The following NOB1 variants were observed in gnomAD, a reference collection of about 807,000 sequenced individuals.
NOB1 encodes RNA-binding protein NOB1.
In NOB1, 44 loss-of-function variants were observed where a neutral mutation model predicts 44.8. That is an observed-to-expected ratio of 0.98 (90% CI 0.77 to 1.26). The LOEUF is 1.26. Ranked by LOEUF, NOB1 falls within the 50% of genes most tolerant of loss-of-function variation. The pLI is 0.00. For missense variants in NOB1, 560 were observed against 544.8 expected, an observed-to-expected ratio of 1.03 and a Z score of -0.28; for synonymous variants, 238 against 218.7, an observed-to-expected ratio of 1.09 and a Z score of -0.78.
At position 69,741,900 on chromosome 16, in the gene NOB1, TATTTTCTGGCAAAA is replaced by T. The variant is rs1221741599; in HGVS notation, c.*418_*431del. 6.4e-6 allele frequency: 1 copy of T among 157,260 alleles called. No homozygotes were observed. Among genetic ancestry groups the T allele is most frequent in the African/African-American group, 2.4e-5 (1 of 41,554 alleles). 9.7% of individuals were successfully genotyped at this position (157,260 alleles called of 1,614,324 possible). The stretch of plus-strand genomic sequence containing the variant: ...AGTTCTTAGTTTTATTATAACCTTG[TATTTTCTGGCAAAA>T]ATATAAATCTAAATGCATGATCTCT... On this transcript the variant is annotated 3_prime_UTR_variant, in exon 9 of 9. Transcript: ENST00000268802.
chr16:69,744,914 A>AG lies in NOB1; in HGVS notation c.927dup (p.Phe310LeufsTer56), dbSNP rs1462097694. ...TTCAGCACCTTGGGGTTGCGGGAGAAGTGCATGTGCAGGGTGCCGTCGTCG... is the reference window on the plus strand; with the variant it reads ...TTCAGCACCTTGGGGTTGCGGGAGAAGGTGCATGTGCAGGGTGCCGTCGTCG... On this transcript the variant is annotated frameshift_variant, in exon 8 of 9. Coordinates refer to ENST00000268802, the MANE Select transcript of NOB1 (RefSeq NM_014062.3). LOFTEE classifies it high-confidence loss of function. 4.3e-6 allele frequency: 7 copies of AG among 1,613,946 alleles called. No homozygotes were observed. Among genetic ancestry groups the AG allele is most frequent in the Non-Finnish European group, 5.1e-6 (6 of 1,180,020 alleles).
intron 7 of NOB1, among the ~76,000 whole-genome samples, chr16:69,746,061 G>T (rs1282589458): frequency 2.0e-5 from 3 of 152,254 alleles, no homozygotes; most frequent in Non-Finnish European, 2.9e-5. Flanking sequence ...TTCAGAGGAA[G>T]GTATGGGCCG....
intron 7 of NOB1, among the ~76,000 whole-genome samples, chr16:69,747,788 C>G (rs1005437732): frequency 1.3e-5 from 2 of 152,052 alleles, no homozygotes; most frequent in Non-Finnish European, 2.9e-5. Context: ...GGAGACGGAA[C>G]CCAGGCCCCA....
intron 6 of NOB1, among the ~76,000 whole-genome samples, 185 bp from the exon 7 acceptor site, chr16:69,748,514 G>A (rs1432632702): frequency 4.6e-5 from 7 of 152,086 alleles, no homozygotes; most frequent in Admixed American, 1.3e-4. Context: ...TTCTAACACC[G>A]TCCTGGAGCC....
intron 7 of NOB1, among the ~76,000 whole-genome samples, chr16:69,746,117 G>A (rs373873437): frequency 4.6e-5 from 7 of 152,240 alleles, no homozygotes; most frequent in South Asian, 2.1e-4. Context: ...TGGCTGGCGG[G>A]GCGGGGCCCC....
intron 7 of NOB1, among the ~76,000 whole-genome samples, chr16:69,746,850 T>C (rs1002895686): frequency 2.0e-5 from 3 of 150,636 alleles, no homozygotes; most frequent in African/African-American, 7.4e-5. Flanking sequence ...GAGATTGCAG[T>C]GAGCCTAGAC....
At position 69,752,322 on chromosome 16, in the gene NOB1, C is replaced by T. The variant is rs757526855; in HGVS notation, c.246G>A (p.Thr82=). ...KTGDYPSLSA[T]DIQVLALTYQ... ...ATGTGAGTGCAAGCACTTGGATGTCCGTGGCAGAGAGGCTGGGGTAGTCTC... is the reference window on the plus strand; with the variant it reads ...ATGTGAGTGCAAGCACTTGGATGTCTGTGGCAGAGAGGCTGGGGTAGTCTC... The change falls in exon 3 of 9, where the codon ACG becomes ACA. Residue 82 remains threonine, a synonymous_variant. Transcript: ENST00000268802. The T allele has an allele frequency of 1.1e-5, 18 of 1,613,770 alleles. No homozygotes were observed. Among genetic ancestry groups the T allele is most frequent in the African/African-American group, 9.3e-5 (7 of 74,900 alleles).
rs1236502909 is a variant in NOB1, at chr16:69,742,494, G to A, written c.1077C>T (p.Thr359=). 1 of 1,614,216 alleles carries A rather than the reference G, an allele frequency of 6.2e-7. No homozygotes were observed. The change falls in exon 9 of 9, where the codon ACC becomes ACT. Residue 359 remains threonine (T), a synonymous_variant. Coordinates refer to ENST00000268802, the MANE Select transcript of NOB1 (RefSeq NM_014062.3). The stretch of plus-strand genomic sequence containing the variant: ...CGATGTAGTCAGGGGCGAACACGTT[G>A]GTTTTCTGCCTGGCCTTTTGGGAGA... ...LRLSQKARQK[T]NVFAPDYIAG...
intron 7 of NOB1, among the ~76,000 whole-genome samples, chr16:69,747,680 G>A (rs1054211040): frequency 7.9e-5 from 12 of 152,122 alleles, no homozygotes; most frequent in Non-Finnish European, 1.5e-4. Flanking sequence ...TAAAGAATGA[G>A]GCTCACTGTT....
At chr16:69,748,376 A>G (rs1567643124) in intron 6 of NOB1, 47 bp from the exon 7 acceptor site, 1 of 1,549,870 alleles carries the variant, frequency 6.5e-7, no homozygotes. Context: ...TTCACATTTC[A>G]TTTTGTAATT....
chr16:69,752,776 T>C (rs2038493427), intron 2 of NOB1, among the ~76,000 whole-genome samples: 1 of 150,708 alleles, frequency 6.6e-6, no homozygotes, highest in South Asian at 2.1e-4. Flanking sequence ...CTAATAAATA[T>C]ACAAAAATTA....
intron 7 of NOB1, among the ~76,000 whole-genome samples, chr16:69,747,204 A>G (rs974564879): frequency 6.9e-6 from 1 of 144,926 alleles, no homozygotes; most frequent in African/African-American, 2.6e-5. Context: ...CTGGGCAACA[A>G]GAGAGAAACC....
At position 69,748,278 on chromosome 16, in the gene NOB1, T is replaced by C; in HGVS notation, c.778A>G (p.Ile260Val). 1.2e-6 allele frequency: 2 copies of C among 1,614,022 alleles called. No individual in the cohort carries two copies. Among genetic ancestry groups the C allele is most frequent in the Non-Finnish European group, 1.7e-6 (2 of 1,179,958 alleles). The change falls in exon 7 of 9, where the codon ATT becomes GTT. Residue 260 changes from isoleucine to valine, a missense_variant. Ile to Val is a conservative substitution (Grantham distance 29). Transcript: ENST00000268802. Reference protein sequence around the residue: ...LHVLAVNGMLIREARSYILRC... With the variant: ...LHVLAVNGMLVREARSYILRC... ...AAGATGTAGCTCCGGGCCTCACGAA[T>C]CAGCATGCCGTTCACCGCCAGCACG...
chr16:69,746,609 T>C (rs2038433314), intron 7 of NOB1, among the ~76,000 whole-genome samples: 1 of 152,224 alleles, frequency 6.6e-6, no homozygotes, highest in African/African-American at 2.4e-5. Context: ...CTCAATCTTA[T>C]TAAGCATCTC....
At position 69,748,681 on chromosome 16, in the gene NOB1, A is replaced by G. The variant is rs1022489439; in HGVS notation, c.726+237T>C. 7 of 535,678 alleles carry G rather than the reference A, an allele frequency of 1.3e-5. No homozygotes were observed. In the Admixed American group the frequency reaches 1.8e-4, roughly 14 times the overall value. The allele number at this position is 535,678 out of a possible 1,614,324, so 33.2% of individuals were successfully genotyped here. On this transcript the variant is annotated intron_variant, in intron 6 of 8. Transcript: ENST00000268802. ...TGGCATTATATATACTGAAAAAAAA[A>G]TCATAAAAAAATCATAAATAGTAAA... is the stretch of plus-strand genomic sequence containing the variant.
chr16:69,751,025 T>C (rs927100974), intron 3 of NOB1, among the ~76,000 whole-genome samples: 15 of 152,208 alleles, frequency 9.9e-5, no homozygotes, highest in Admixed American at 5.2e-4. Context: ...AGTCAAAGTT[T>C]TGAAGGAAGC....
rs745928737 is a variant in NOB1, at chr16:69,752,236, T to C, written c.327+5A>G. 29 of 1,609,616 alleles carry C rather than the reference T, an allele frequency of 1.8e-5. No individual in the cohort carries two copies. The East Asian group carries it at 2.2e-4, about 12-fold the overall frequency. The stretch of plus-strand genomic sequence containing the variant: ...AGCTTTTAAAAACCCATCCTCTTGA[T>C]TTACCTTCTGTGGTTCTTGTTTTAG... On this transcript the variant is annotated splice_donor_5th_base_variant and intron_variant, in intron 3 of 8. Transcript: ENST00000268802.
chr16:69,750,079 A>C (rs2038470402), intron 3 of NOB1, among the ~76,000 whole-genome samples: 1 of 148,640 alleles, frequency 6.7e-6, no homozygotes, highest in African/African-American at 2.5e-5. Flanking sequence ...GCTCACTGCA[A>C]CCTAACCTCC....
At position 69,742,495 on chromosome 16, in the gene NOB1, G is replaced by C. The variant is rs1567641218; in HGVS notation, c.1076C>G (p.Thr359Ser). The change falls in exon 9 of 9, where the codon ACC becomes AGC. Residue 359 changes from threonine (T) to serine (S), a missense_variant. Thr to Ser is a moderately conservative substitution (Grantham distance 58, BLOSUM62 1). Transcript: ENST00000268802. Reference protein sequence around the residue: ...LRLSQKARQKTNVFAPDYIAG... With the variant: ...LRLSQKARQKSNVFAPDYIAG... Reference sequence around the variant, plus strand: ...GATGTAGTCAGGGGCGAACACGTTGGTTTTCTGCCTGGCCTTTTGGGAGAG... The same window carrying C: ...GATGTAGTCAGGGGCGAACACGTTGCTTTTCTGCCTGGCCTTTTGGGAGAG... The C allele has an allele frequency of 6.2e-7, 1 of 1,614,252 alleles. No homozygotes were observed. Among genetic ancestry groups the C allele is most frequent in the Non-Finnish European group, 8.5e-7 (1 of 1,180,048 alleles).
Sources: gnomAD v4.1 joint callset for allele counts (sites outside exome capture counted in the v4.1 genomes callset) on GRCh38, gnomAD v4.1.1 for gene constraint, MANE v1.5 for transcripts, NCBI Gene and HGNC (gene_info 2026-07-23, HGNC 2026-07-21) for gene names.